The following TMEFF2 variants were observed in gnomAD, a reference collection of about 807,000 sequenced individuals.
TMEFF2 encodes the protein transmembrane protein with EGF like and two follistatin like domains 2.
TMEFF2 carries 28 observed loss-of-function variants against 53.8 expected under a neutral mutation model. That is an observed-to-expected ratio of 0.52 (90% CI 0.39 to 0.71). The LOEUF is 0.71. TMEFF2 is among the 30% of genes least tolerant of loss of function. TMEFF2 has a pLI of 0.00. For synonymous variants in TMEFF2, 162 were observed against 166.3 expected (o/e 0.97, Z 0.20); for missense variants, 353 against 455.2 (o/e 0.78, Z 2.04).
At chr2:192,191,295 A>C (rs906745160) in intron 2 of TMEFF2, among the ~76,000 whole-genome samples, 1 of 152,170 alleles carries the variant, frequency 6.6e-6, no homozygotes, top group African/African-American at 2.4e-5. Flanking sequence ...TTGTGGATCT[A>C]AATGCTCTTC....
At chr2:192,001,726 C>T (rs1270752254) in intron 5 of TMEFF2, among the ~76,000 whole-genome samples, 6 of 149,912 alleles carry the variant, frequency 4.0e-5, no homozygotes, top group African/African-American at 1.5e-4. Flanking sequence ...TTTCCCTGCA[C>T]AAGCTCTCTT....
chr2:192,170,469 C>A (rs1690881686), intron 4 of TMEFF2, among the ~76,000 whole-genome samples: 1 of 151,998 alleles, frequency 6.6e-6, no homozygotes, highest in Non-Finnish European at 1.5e-5. Flanking sequence ...CCCTCTCCAA[C>A]TGATTCCACT....
intron 4 of TMEFF2, among the ~76,000 whole-genome samples, chr2:192,165,619 G>A (rs1231316991): frequency 6.6e-6 from 1 of 151,918 alleles, no homozygotes; most frequent in Non-Finnish European, 1.5e-5. Flanking sequence ...CCCTTTGAAA[G>A]CAGCATACCT....
chr2:192,016,446 T>G (rs1316291284), intron 5 of TMEFF2, among the ~76,000 whole-genome samples: 1 of 152,162 alleles, frequency 6.6e-6, no homozygotes. Context: ...ATGACTAATA[T>G]CATTTTGATC....
At chr2:192,097,779 A>G (rs1234849502) in intron 4 of TMEFF2, among the ~76,000 whole-genome samples, 1 of 152,092 alleles carries the variant, frequency 6.6e-6, no homozygotes, top group Non-Finnish European at 1.5e-5. Flanking sequence ...CACTGAAGAG[A>G]ATGTGTTTGC....
intron 7 of TMEFF2, 30 bp from the exon 8 acceptor site, chr2:191,956,408 C>T (rs1692096142): frequency 6.2e-7 from 1 of 1,603,800 alleles, no homozygotes; most frequent in Non-Finnish European, 8.5e-7. Flanking sequence ...TAAGCACCCC[C>T]TGTAAATACT....
At chr2:192,093,700 A>G (rs1688842253) in intron 4 of TMEFF2, among the ~76,000 whole-genome samples, 1 of 152,084 alleles carries the variant, frequency 6.6e-6, no homozygotes, top group African/African-American at 2.4e-5. Context: ...CCCCGGCCCA[A>G]TCAGACCTTA....
At chr2:192,163,506 T>C (rs1296300464) in intron 4 of TMEFF2, among the ~76,000 whole-genome samples, 1 of 152,242 alleles carries the variant, frequency 6.6e-6, no homozygotes, top group Non-Finnish European at 1.5e-5. Flanking sequence ...CTGTCTATTT[T>C]TATATTTTAT....
At position 192,194,492 on chromosome 2, in the gene TMEFF2, G is replaced by A; in HGVS notation, c.33C>T (p.Ser11=). 6.2e-7 allele frequency: 1 copy of A among 1,613,950 alleles called. No individual in the cohort carries two copies. The highest frequency in any genetic ancestry group is 8.5e-7 in the Non-Finnish European group (1 of 1,180,028). The change falls in exon 1 of 10, where the codon AGC becomes AGT. Residue 11 remains serine, a synonymous_variant. Coordinates refer to ENST00000272771, the MANE Select transcript of TMEFF2 (RefSeq NM_016192.4). The surrounding 1 kb of genome is among the most constrained non-coding windows in gnomAD (Gnocchi z 4.2). MVLWESPRQC[S]SWTLCEGFCW... ...AAAAGCCCTCGCAAAGTGTCCAGCT[G>A]CTGCACTGCCGCGGGGACTCCCACA...
intron 4 of TMEFF2, among the ~76,000 whole-genome samples, chr2:192,148,330 A>G (rs73984903): frequency 4.9e-4 from 75 of 152,166 alleles, no homozygotes; most frequent in African/African-American, 1.8e-3. Context: ...CCACAATAAT[A>G]TGACTATCAC....
intron 7 of TMEFF2, among the ~76,000 whole-genome samples, chr2:191,961,018 TTAC>T (rs940977963): frequency 4.6e-5 from 7 of 152,158 alleles, no homozygotes; most frequent in African/African-American, 1.7e-4. Context: ...TTACTAACAT[TTAC>T]TAGAGAATAT....
intron 9 of TMEFF2, among the ~76,000 whole-genome samples, chr2:191,952,007 T>C (rs942680532): frequency 9.9e-5 from 15 of 152,184 alleles, no homozygotes; most frequent in Admixed American, 7.2e-4. Flanking sequence ...AGTATGAGCA[T>C]GGTGAAGTGT....
In TMEFF2 at chr2:192,060,046, T is replaced by A. The variant is rs1013541387; in HGVS notation, c.440-2271A>T. On this transcript the variant is annotated intron_variant, in intron 4 of 9. Coordinates refer to ENST00000272771, the MANE Select transcript of TMEFF2 (RefSeq NM_016192.4). Reference sequence around the variant, plus strand: ...TTCAGAGGCTTTCGTGGATCATATTTTTTTTTTTTTAATAAAAATGCCCTG... The same window carrying A: ...TTCAGAGGCTTTCGTGGATCATATTATTTTTTTTTTAATAAAAATGCCCTG... Among the ~76,000 whole-genome samples, 591 of 151,332 alleles carry A rather than the reference T, an allele frequency of 3.9e-3. 2 individuals are homozygous for A. Among genetic ancestry groups the A allele is most frequent in the African/African-American group, 0.013 (547 of 41,230 alleles).
intron 4 of TMEFF2, among the ~76,000 whole-genome samples, chr2:192,068,526 TAAG>T (rs1362738292): frequency 5.9e-5 from 9 of 151,764 alleles, no homozygotes; most frequent in Non-Finnish European, 1.2e-4. Context: ...AAGAAATAAA[TAAG>T]AAGTCCCTGG....
At chr2:192,065,599 G>GT (rs1192049733) in intron 4 of TMEFF2, among the ~76,000 whole-genome samples, 4 of 151,380 alleles carry the variant, frequency 2.6e-5, no homozygotes, top group Admixed American at 2.0e-4. Context: ...AGTGGTCTGT[G>GT]TTTTTTTCTT....
chr2:192,045,326 A>G (rs1298148632), intron 5 of TMEFF2, among the ~76,000 whole-genome samples: 1 of 152,218 alleles, frequency 6.6e-6, no homozygotes, highest in African/African-American at 2.4e-5. Flanking sequence ...ACACTGATTC[A>G]TGGACTGTGG....
At chr2:192,038,382 A>G (rs865955961) in intron 5 of TMEFF2, among the ~76,000 whole-genome samples, 5 of 152,228 alleles carry the variant, frequency 3.3e-5, no homozygotes, top group African/African-American at 1.2e-4. Context: ...GAGTTAAGGA[A>G]TGCAAAGTCC....
intron 7 of TMEFF2, among the ~76,000 whole-genome samples, chr2:191,965,990 GAA>G (rs11347194): frequency 6.8e-4 from 96 of 141,304 alleles, no homozygotes; most frequent in South Asian, 3.1e-3. Flanking sequence ...TTTGATTTAA[GAA>G]AAAAAAAAAA....
chr2:192,078,691 TA>T (rs1487872867), intron 4 of TMEFF2, among the ~76,000 whole-genome samples: 1 of 152,228 alleles, frequency 6.6e-6, no homozygotes, highest in Non-Finnish European at 1.5e-5. Context: ...AACTATATTC[TA>T]TGTAGTGTCT....
Sources: allele counts gnomAD v4.1 joint callset (sites outside exome capture counted in the v4.1 genomes callset), GRCh38; gene constraint gnomAD v4.1.1; non-coding constraint Gnocchi (gnomAD v3.1); transcripts MANE v1.5; gene names NCBI Gene and HGNC (gene_info 2026-07-23, HGNC 2026-07-21).